PMEPA1: variants seen among roughly 807,000 people sequenced by gnomAD.
PMEPA1 encodes prostate transmembrane protein, androgen induced 1.
In PMEPA1, 11 loss-of-function variants were observed where a neutral mutation model predicts 23.0. That is an observed-to-expected ratio of 0.48 (90% CI 0.30 to 0.79). The LOEUF (loss-of-function observed/expected upper bound fraction) is 0.79, where lower values mean the gene tolerates loss of function less well. PMEPA1 is among the 30% of genes least tolerant of loss of function. The probability of loss-of-function intolerance (pLI) is 0.06; values close to 1 mark genes in which losing one functional copy is unlikely to be tolerated. For synonymous variants in PMEPA1, 204 were observed against 166.4 expected, an observed-to-expected ratio of 1.23 and a Z score of -1.74; for missense variants, 377 against 390.9, an observed-to-expected ratio of 0.96 and a Z score of 0.30.
intron 1 of PMEPA1, among the ~76,000 whole-genome samples, chr20:57,700,709 A>G (rs761671069): frequency 2.0e-5 from 3 of 152,186 alleles, no homozygotes; most frequent in Non-Finnish European, 4.4e-5. Flanking sequence ...CACTGAAACA[A>G]TAACAAATGA....
intron 2 of PMEPA1, among the ~76,000 whole-genome samples, chr20:57,659,006 C>A (rs1230198409): frequency 1.3e-5 from 2 of 152,234 alleles, no homozygotes; most frequent in Non-Finnish European, 2.9e-5. Context: ...TCAGCCTCAT[C>A]TCTCTAGGTC....
intron 1 of PMEPA1, among the ~76,000 whole-genome samples, chr20:57,685,868 G>A (rs2071794436): frequency 1.3e-5 from 2 of 152,118 alleles, no homozygotes; most frequent in South Asian, 4.1e-4. Context: ...TGCTCCGGGT[G>A]GACCAGAACC....
rs2071177724 is a variant in PMEPA1 at position 57,648,613 on chromosome 20, G to C, written c.*3440C>G. The C allele has an allele frequency of 6.6e-6, 1 of 152,436 alleles. No homozygotes were observed. Among genetic ancestry groups the C allele is most frequent in the Non-Finnish European group, 1.5e-5 (1 of 68,056 alleles). The allele number at this position is 152,436 out of a possible 1,614,324, so 9.4% of individuals were successfully genotyped here. Reference sequence around the variant, plus strand: ...TGAACAGAGCTTGGGAAATGGGGCTGCAAAGGAGAGCAGTTCCCACGCCAG... The same window carrying C: ...TGAACAGAGCTTGGGAAATGGGGCTCCAAAGGAGAGCAGTTCCCACGCCAG... On this transcript the variant is annotated 3_prime_UTR_variant, in exon 4 of 4. Transcript: ENST00000341744.
intron 1 of PMEPA1, among the ~76,000 whole-genome samples, chr20:57,660,193 G>A (rs893342015): frequency 8.5e-5 from 13 of 152,202 alleles, no homozygotes; most frequent in South Asian, 2.1e-4. Flanking sequence ...CCCTGAGTGC[G>A]GAGAGAGGAA....
rs2071729975 is a variant in PMEPA1 at position 57,682,327 on chromosome 20, T to A, written c.110-22630A>T. ...GGGACCAGCTCCACCAGCGGTTCCC[T>A]GTGTGACCTTGGGCAAGCTGTTCTC... is the stretch of plus-strand genomic sequence containing the variant. On this transcript the variant is annotated intron_variant, in intron 1 of 3. Transcript: ENST00000341744. This position sits in a 1 kb window ranked among gnomAD's most constrained non-coding sequence, Gnocchi z 4.4. 6.6e-6 allele frequency among the ~76,000 whole-genome samples: 1 copy of A among 152,172 alleles called. No individual in the cohort carries two copies. The highest frequency in any genetic ancestry group is 1.5e-5 in the Non-Finnish European group (1 of 68,020).
At chr20:57,710,312 T>G, upstream of PMEPA1, 1 of 800,836 alleles carries the variant, frequency 1.2e-6, no homozygotes, top group Non-Finnish European at 1.8e-6. Context: ...CCCGGGCGGG[T>G]TGCTGGTGCG....
intron 2 of PMEPA1, among the ~76,000 whole-genome samples, chr20:57,658,151 A>G (rs2071353738): frequency 6.6e-6 from 1 of 152,160 alleles, no homozygotes; most frequent in African/African-American, 2.4e-5. Flanking sequence ...ACCGACCCAG[A>G]TCTGCCCTGT....
At chr20:57,700,655 T>A (rs929334703) in intron 1 of PMEPA1, among the ~76,000 whole-genome samples, 3 of 152,214 alleles carry the variant, frequency 2.0e-5, no homozygotes, top group Non-Finnish European at 2.9e-5. Flanking sequence ...AACTTGTTAC[T>A]AAATAAAATT....
In PMEPA1 at chr20:57,692,453, C is replaced by T. The variant is rs565804040; in HGVS notation, c.109+17021G>A. On this transcript the variant is annotated intron_variant, in intron 1 of 3. Transcript: ENST00000341744. ...CGGCCCAGACAGGGGAGCGAAGCTCCCACCTCATGACCAGGATGCCCAGTA... is the reference window on the plus strand; with the variant it reads ...CGGCCCAGACAGGGGAGCGAAGCTCTCACCTCATGACCAGGATGCCCAGTA... 1.8e-3 allele frequency among the ~76,000 whole-genome samples: 279 copies of T among 152,350 alleles called. 1 individual carries two copies. The highest frequency in any genetic ancestry group is 6.3e-3 in the African/African-American group (260 of 41,586).
chr20:57,665,327 G>A (rs1600636272), intron 1 of PMEPA1, among the ~76,000 whole-genome samples: 1 of 152,270 alleles, frequency 6.6e-6, no homozygotes, highest in South Asian at 2.1e-4. Context: ...GAACTCAAAA[G>A]GGGGAAGGGT....
chr20:57,684,678 G>C (rs575518130), intron 1 of PMEPA1, among the ~76,000 whole-genome samples: 1 of 152,336 alleles, frequency 6.6e-6, no homozygotes, highest in South Asian at 2.1e-4. Flanking sequence ...GTTAATTAAT[G>C]CATCTATTTG....
intron 1 of PMEPA1, among the ~76,000 whole-genome samples, chr20:57,708,124 T>C (rs901577874): frequency 6.6e-6 from 1 of 152,216 alleles, no homozygotes; most frequent in Non-Finnish European, 1.5e-5. Context: ...GCTCACTGTA[T>C]AGGCTCAGGG....
intron 1 of PMEPA1, among the ~76,000 whole-genome samples, chr20:57,688,611 G>A (rs1336729537): frequency 6.6e-6 from 1 of 152,204 alleles, no homozygotes; most frequent in East Asian, 1.9e-4. Flanking sequence ...CACTCTGCCA[G>A]GCAGGGAACT....
intron 1 of PMEPA1, among the ~76,000 whole-genome samples, chr20:57,696,148 G>C (rs2146704029): frequency 6.6e-6 from 1 of 152,258 alleles, no homozygotes; most frequent in South Asian, 2.1e-4. Flanking sequence ...AAGGAGGGAA[G>C]TGTGTGGAGG....
chr20:57,653,251 T>C (rs1014617778), intron 2 of PMEPA1, among the ~76,000 whole-genome samples, 165 bp from the exon 3 acceptor site: 4 of 152,082 alleles, frequency 2.6e-5, no homozygotes, highest in African/African-American at 9.7e-5. Context: ...CCTGGGCGCT[T>C]TTCCAGGACG....
chr20:57,663,492 G>A (rs1186219949), intron 1 of PMEPA1, among the ~76,000 whole-genome samples: 2 of 152,166 alleles, frequency 1.3e-5, no homozygotes, highest in Non-Finnish European at 2.9e-5. Flanking sequence ...AGTGCTCCCT[G>A]GAGGTGGACC....
At chr20:57,701,950 C>G (rs536409236) in intron 1 of PMEPA1, among the ~76,000 whole-genome samples, 1 of 152,116 alleles carries the variant, frequency 6.6e-6, no homozygotes, top group African/African-American at 2.4e-5. Flanking sequence ...CACAAAGATT[C>G]GATTACTGCC....
chr20:57,690,629 C>G, intron 1 of PMEPA1: 1 of 1,191,818 alleles, frequency 8.4e-7, no homozygotes, highest in South Asian at 1.5e-5. Flanking sequence ...GGAGAGCAGG[C>G]GCGCACCCCA....
In PMEPA1 at chr20:57,656,906, C is replaced by T. The variant is rs1437961735; in HGVS notation, c.264+2637G>A. Among the ~76,000 whole-genome samples, 1 of 152,154 alleles carries T rather than the reference C, an allele frequency of 6.6e-6. No individual in the cohort carries two copies. The highest frequency in any genetic ancestry group is 1.9e-4 in the East Asian group (1 of 5,184). On this transcript the variant is annotated intron_variant, in intron 2 of 3. Coordinates refer to ENST00000341744, the MANE Select transcript of PMEPA1 (RefSeq NM_020182.5). This position sits in a 1 kb window ranked among gnomAD's most constrained non-coding sequence, Gnocchi z 4.7. ...GCTGTATGTGGATCTCTATGGAAGG[C>T]CGCGGGGCCCAGGGACTCCTGTCTG... is the stretch of plus-strand genomic sequence containing the variant.
Sources: gnomAD v4.1 joint callset for allele counts (sites outside exome capture counted in the v4.1 genomes callset) on GRCh38, gnomAD v4.1.1 for gene constraint, Gnocchi (gnomAD v3.1) non-coding constraint, MANE v1.5 for transcripts, NCBI Gene and HGNC (gene_info 2026-07-23, HGNC 2026-07-21) for gene names.